WWP2: variants seen among roughly 807,000 people sequenced by gnomAD.
WWP2 encodes NEDD4-like E3 ubiquitin-protein ligase WWP2.
In WWP2, 57 loss-of-function variants were observed where a neutral mutation model predicts 121.0. The ratio of observed to expected loss-of-function variants is 0.47; its 90% CI spans 0.38 to 0.59. The LOEUF (loss-of-function observed/expected upper bound fraction) is 0.59. Among genes scored for constraint, WWP2 ranks in the 20% least tolerant of loss-of-function variants. The pLI is 0.00. For missense variants in WWP2, 962 were observed against 1,158.9 expected, an observed-to-expected ratio of 0.83 and a Z score of 2.47; for synonymous variants, 449 against 441.3, an observed-to-expected ratio of 1.02 and a Z score of -0.22.
chr16:69,904,111 T>C (rs1471884360), intron 8 of WWP2, among the ~76,000 whole-genome samples: 4 of 152,234 alleles, frequency 2.6e-5, no homozygotes. Context: ...AAGCCAAATA[T>C]CTTTCTCAGG....
intron 7 of WWP2, among the ~76,000 whole-genome samples, chr16:69,879,082 A>G (rs895656110): frequency 6.6e-5 from 10 of 152,176 alleles, no homozygotes; most frequent in African/African-American, 2.4e-4. Context: ...TAGTTGCTTA[A>G]CTATTTCTTT....
chr16:69,830,196 C>T (rs972494916), intron 4 of WWP2, among the ~76,000 whole-genome samples: 2 of 152,118 alleles, frequency 1.3e-5, no homozygotes, highest in Non-Finnish European at 2.9e-5. Flanking sequence ...CTCAGGCGAT[C>T]TCTCTGCCTT....
intron 9 of WWP2, chr16:69,909,230 A>C (rs1040727330): frequency 3.0e-6 from 3 of 997,446 alleles, no homozygotes; most frequent in African/African-American, 3.5e-5. Flanking sequence ...AGACTGTCCA[A>C]GTTCAAGGAG....
chr16:69,936,794 G>A (rs967599204), intron 19 of WWP2: 64 of 472,314 alleles, frequency 1.4e-4, no homozygotes, highest in African/African-American at 1.0e-3. Flanking sequence ...ACCGTCTCAC[G>A]TGTGCCCGTT....
In WWP2 at chr16:69,925,626, C is replaced by T; in HGVS notation, c.1234+142C>T. 1 of 1,161,868 alleles carries T rather than the reference C, an allele frequency of 8.6e-7. No homozygotes were observed. Among genetic ancestry groups the T allele is most frequent in the Non-Finnish European group, 1.2e-6 (1 of 844,282 alleles). 72.0% of individuals were successfully genotyped at this position (1,161,868 alleles called of 1,614,324 possible). A position where few individuals can be genotyped will look rare whatever the true frequency, so the allele number is the denominator to read the frequency against. On this transcript the variant is annotated intron_variant, in intron 11 of 23. Coordinates refer to ENST00000359154, the MANE Select transcript of WWP2 (RefSeq NM_001270454.2). The surrounding 1 kb of genome is among the most constrained non-coding windows in gnomAD (Gnocchi z 4.0). ...CTCCAGCACACTCTCTGGGCATGCC[C>T]CACCAGAGCAATTACAGGTGATGGA... is the stretch of plus-strand genomic sequence containing the variant.
chr16:69,922,065 GAGAC>G (rs1468737558), intron 10 of WWP2, among the ~76,000 whole-genome samples: 12 of 144,480 alleles, frequency 8.3e-5, no homozygotes, highest in African/African-American at 3.2e-4. Flanking sequence ...GACACAGAGT[GAGAC>G]TCCATCTCAA....
At chr16:69,884,291 C>A (rs765810279) in intron 7 of WWP2, among the ~76,000 whole-genome samples, 4 of 152,114 alleles carry the variant, frequency 2.6e-5, no homozygotes, top group Non-Finnish European at 4.4e-5. Flanking sequence ...CCCCTTTCCC[C>A]ACTAACTCCA....
At chr16:69,912,914 T>A (rs1324867797) in intron 9 of WWP2, among the ~76,000 whole-genome samples, 1 of 32,112 alleles carries the variant, frequency 3.1e-5, no homozygotes, top group Admixed American at 6.0e-4. Flanking sequence ...AGAACCAGTC[T>A]CTACAAAACA....
intron 4 of WWP2, among the ~76,000 whole-genome samples, chr16:69,813,752 T>C (rs2056439986): frequency 6.6e-6 from 1 of 152,226 alleles, no homozygotes; most frequent in Non-Finnish European, 1.5e-5. Flanking sequence ...ATTACAGCTG[T>C]GAGCCACTGT....
At chr16:69,838,670 G>C in intron 4 of WWP2, 1 of 960,308 alleles carries the variant, frequency 1.0e-6, no homozygotes, top group Non-Finnish European at 1.2e-6. Flanking sequence ...GGGTTGAAAG[G>C]CCTCAGTTCC....
chr16:69,812,481 T>C (rs2056413832), intron 4 of WWP2, among the ~76,000 whole-genome samples: 1 of 141,646 alleles, frequency 7.1e-6, no homozygotes, highest in South Asian at 2.4e-4. Flanking sequence ...CCCCCCCTTT[T>C]TTTTTTTTTT....
At position 69,925,149 on chromosome 16, in the gene WWP2, AC is replaced by A. The variant is rs375792321; in HGVS notation, c.1180-279del. 118 of 1,185,286 alleles carry A rather than the reference AC, an allele frequency of 1.0e-4. No individual in the cohort carries two copies. The East Asian group carries it at 5.1e-3, about 52-fold the overall frequency. The allele number at this position is 1,185,286 out of a possible 1,614,324, so 73.4% of individuals were successfully genotyped here. On this transcript the variant is annotated intron_variant, in intron 10 of 23. Coordinates refer to ENST00000359154, the MANE Select transcript of WWP2 (RefSeq NM_001270454.2). The surrounding 1 kb of genome is among the most constrained non-coding windows in gnomAD (Gnocchi z 4.0). ...CTCCCTGCCTCCGCCACCCTGGCAC[AC>A]CTTCACCCGCGTACCGCCTCCTCCC...
At chr16:69,786,442 CTTTTTTTTTTTTTT>C (rs957224996) in intron 1 of WWP2, among the ~76,000 whole-genome samples, 4 of 85,406 alleles carry the variant, frequency 4.7e-5, no homozygotes, top group Non-Finnish European at 6.5e-5. Flanking sequence ...CCCAGCCAAT[CTTTTTTTTTTTTTT>C]TTTTTTTTTT....
At chr16:69,857,730 C>T (rs2057344333) in intron 6 of WWP2, among the ~76,000 whole-genome samples, 1 of 142,800 alleles carries the variant, frequency 7.0e-6, no homozygotes, top group Non-Finnish European at 1.5e-5. Context: ...GGCACAATCA[C>T]AGCTCACTGC....
intron 8 of WWP2, 83 bp from the exon 9 acceptor site, chr16:69,908,678 T>A (rs2058335279): frequency 6.4e-7 from 1 of 1,571,552 alleles, no homozygotes. Flanking sequence ...ATTAGCCACA[T>A]GAGTGATGAA....
intron 4 of WWP2, among the ~76,000 whole-genome samples, chr16:69,827,115 C>T (rs934851406): frequency 8.6e-5 from 13 of 150,746 alleles, no homozygotes; most frequent in African/African-American, 1.5e-4. Flanking sequence ...GTTGACACTC[C>T]TGCATACATG....
At chr16:69,850,521 A>G (rs1198498151) in intron 6 of WWP2, among the ~76,000 whole-genome samples, 1 of 152,124 alleles carries the variant, frequency 6.6e-6, no homozygotes, top group African/African-American at 2.4e-5. Context: ...TGCAAGAGGA[A>G]TGTAGTGGGA....
intron 6 of WWP2, 197 bp from the exon 7 acceptor site, chr16:69,871,607 A>G: frequency 1.6e-6 from 1 of 633,108 alleles, no homozygotes; most frequent in Non-Finnish European, 2.5e-6. Flanking sequence ...TTACCTTCTG[A>G]GCTTTTACCA....
At chr16:69,933,834 C>T (rs536904583) in intron 16 of WWP2, 136 bp from the exon 17 acceptor site, 1 of 1,010,050 alleles carries the variant, frequency 9.9e-7, no homozygotes, top group South Asian at 1.6e-5. Context: ...AGCCCGGGTG[C>T]TTGTCACAGG....
Sources: allele counts gnomAD v4.1 joint callset (sites outside exome capture counted in the v4.1 genomes callset), GRCh38; gene constraint gnomAD v4.1.1; non-coding constraint Gnocchi (gnomAD v3.1); transcripts MANE v1.5; gene names NCBI Gene and HGNC (gene_info 2026-07-23, HGNC 2026-07-21).